SPSB4: variants seen among roughly 807,000 people sequenced by gnomAD.
SPSB4 encodes SPRY domain-containing SOCS box protein 4.
In SPSB4, 21 loss-of-function variants were observed where a neutral mutation model predicts 20.9. The observed-to-expected ratio is 1.01, with a 90% CI of 0.71 to 1.45. The LOEUF is 1.45. SPSB4 is among the 40% of genes most tolerant of loss of function. The pLI, the probability that SPSB4 is intolerant of heterozygous loss-of-function variation, is 0.00. For missense variants in SPSB4, 399 were observed against 399.2 expected (o/e 1.00, Z 0.00); for synonymous variants, 207 against 183.8 (o/e 1.13, Z -1.02).
At chr3:141,128,438 G>A (rs1431853422) in intron 2 of SPSB4, among the ~76,000 whole-genome samples, 1 of 152,182 alleles carries the variant, frequency 6.6e-6, no homozygotes, top group Non-Finnish European at 1.5e-5. Flanking sequence ...ACTGAGCCAA[G>A]TGGTGTAGTG....
chr3:141,138,890 T>G (rs1182798217), intron 2 of SPSB4, among the ~76,000 whole-genome samples: 1 of 152,182 alleles, frequency 6.6e-6, no homozygotes, highest in Non-Finnish European at 1.5e-5. Context: ...TGGATATCCT[T>G]GTTAACTTTC....
chr3:141,102,656 A>T (rs1439116925), intron 2 of SPSB4, among the ~76,000 whole-genome samples: 1 of 152,186 alleles, frequency 6.6e-6, no homozygotes, highest in Admixed American at 6.5e-5. Context: ...GCAGGAAAAA[A>T]AGCTGGAGAG....
intron 2 of SPSB4, among the ~76,000 whole-genome samples, chr3:141,121,333 CT>C (rs766200467): frequency 2.8e-4 from 43 of 152,302 alleles, no homozygotes; most frequent in Admixed American, 8.5e-4. Context: ...TTCTCTCTGG[CT>C]GCCCTTAACA....
rs146926071 is a variant in SPSB4 at position 141,067,136 on chromosome 3, G to T, written c.694+338G>T. 2.0e-4 allele frequency among the ~76,000 whole-genome samples: 31 copies of T among 152,326 alleles called. No homozygotes were observed. In the East Asian group the frequency reaches 5.6e-3, roughly 27 times the overall value. ...CCCAACAGGGGCTTTGAGTGTTGAT[G>T]CCAATTACCAATCTTCCAGTCTGTA... On this transcript the variant is annotated intron_variant, in intron 2 of 2. Transcript: ENST00000310546.
chr3:141,103,457 A>G (rs1010817803), intron 2 of SPSB4, among the ~76,000 whole-genome samples: 2 of 152,136 alleles, frequency 1.3e-5, no homozygotes, highest in Non-Finnish European at 2.9e-5. Context: ...GCTGTACACA[A>G]TCCTGACCCT....
At chr3:141,082,198 G>A (rs1361073825) in intron 2 of SPSB4, among the ~76,000 whole-genome samples, 4 of 152,176 alleles carry the variant, frequency 2.6e-5, no homozygotes, top group African/African-American at 4.8e-5. Flanking sequence ...ATGGCCCATC[G>A]TGAGCCCCAC....
chr3:141,136,323 T>C (rs1559857184), intron 2 of SPSB4, among the ~76,000 whole-genome samples: 8 of 152,334 alleles, frequency 5.3e-5, no homozygotes, highest in East Asian at 3.9e-4. Context: ...TCTTTTGCTG[T>C]GCAGAAGCTC....
chr3:141,107,919 C>T lies in SPSB4; in HGVS notation c.695-39223C>T, dbSNP rs1020429797. On this transcript the variant is annotated intron_variant, in intron 2 of 2. Coordinates refer to ENST00000310546, the MANE Select transcript of SPSB4 (RefSeq NM_080862.3). Reference sequence around the variant, plus strand: ...GCAGTGAACCGAGATCACACCACTGCACTCCAGCCTGGGCAACAGAGCGAG... The same window carrying T: ...GCAGTGAACCGAGATCACACCACTGTACTCCAGCCTGGGCAACAGAGCGAG... Among the ~76,000 whole-genome samples, 5 of 151,760 alleles carry T rather than the reference C, an allele frequency of 3.3e-5. 1 individual carries two copies. Among genetic ancestry groups the T allele is most frequent in the African/African-American group, 1.2e-4 (5 of 41,282 alleles).
intron 2 of SPSB4, 113 bp downstream of exon 2, chr3:141,066,911 G>A: frequency 9.0e-7 from 1 of 1,109,396 alleles, no homozygotes; most frequent in African/African-American, 1.6e-5. Context: ...GTGGAGGAAT[G>A]GTCAGGACCT....
chr3:141,091,715 G>A (rs1474336407), intron 2 of SPSB4, among the ~76,000 whole-genome samples: 2 of 152,192 alleles, frequency 1.3e-5, no homozygotes, highest in Non-Finnish European at 2.9e-5. Context: ...AAGTAGTGCA[G>A]GTGCTGTTTG....
At chr3:141,084,671 G>A (rs1938308648) in intron 2 of SPSB4, among the ~76,000 whole-genome samples, 1 of 152,146 alleles carries the variant, frequency 6.6e-6, no homozygotes, top group African/African-American at 2.4e-5. Context: ...TACTTGTTAT[G>A]GCACAGGCAT....
chr3:141,084,443 A>G (rs563418510), intron 2 of SPSB4, among the ~76,000 whole-genome samples: 1 of 152,314 alleles, frequency 6.6e-6, no homozygotes, highest in East Asian at 1.9e-4. Flanking sequence ...GTACTATGCC[A>G]GCACAGAGTA....
chr3:141,085,820 T>C (rs1289945023), intron 2 of SPSB4, among the ~76,000 whole-genome samples: 1 of 152,238 alleles, frequency 6.6e-6, no homozygotes, highest in Non-Finnish European at 1.5e-5. Context: ...TCCCTAGGGA[T>C]TCCCAAGGTT....
At chr3:141,080,155 A>T (rs1938201199) in intron 2 of SPSB4, 1 of 152,230 alleles carries the variant, frequency 6.6e-6, no homozygotes, top group Non-Finnish European at 1.5e-5. Flanking sequence ...GTTGAGGTGG[A>T]TATGGCCATT....
intron 2 of SPSB4, among the ~76,000 whole-genome samples, chr3:141,112,077 T>C (rs897742838): frequency 2.6e-5 from 4 of 152,208 alleles, no homozygotes; most frequent in Non-Finnish European, 5.9e-5. Context: ...GGAGGCACCA[T>C]GCGTGTCAGT....
At chr3:141,075,396 G>A (rs1440831360) in intron 2 of SPSB4, among the ~76,000 whole-genome samples, 5 of 150,864 alleles carry the variant, frequency 3.3e-5, no homozygotes, top group Non-Finnish European at 5.9e-5. Context: ...AGATACCCAG[G>A]TAAGAACTGG....
intron 2 of SPSB4, among the ~76,000 whole-genome samples, chr3:141,097,578 A>ATAG (rs1170773422): frequency 2.0e-5 from 3 of 151,928 alleles, no homozygotes; most frequent in Non-Finnish European, 4.4e-5. Flanking sequence ...CATATTCTTG[A>ATAG]TCCTCTCTGA....
At chr3:141,141,125 C>T (rs1411625521) in intron 2 of SPSB4, among the ~76,000 whole-genome samples, 8 of 152,184 alleles carry the variant, frequency 5.3e-5, no homozygotes, top group African/African-American at 1.4e-4. Context: ...TAGGACCCTC[C>T]GAGCCAGGTG....
At chr3:141,122,286 G>A (rs1938980258) in intron 2 of SPSB4, among the ~76,000 whole-genome samples, 1 of 152,130 alleles carries the variant, frequency 6.6e-6, no homozygotes, top group African/African-American at 2.4e-5. Context: ...TTCTTTCTCT[G>A]GGAGCTTCGT....
Sources: allele counts gnomAD v4.1 joint callset (sites outside exome capture counted in the v4.1 genomes callset), GRCh38; gene constraint gnomAD v4.1.1; transcripts MANE v1.5; gene names NCBI Gene and HGNC (gene_info 2026-07-23, HGNC 2026-07-21).